Variants in PCGF6 observed in about 807,000 individuals in gnomAD.
PCGF6 encodes polycomb group ring finger 6.
In PCGF6, 24 loss-of-function variants were observed where a neutral mutation model predicts 45.5. That is an observed-to-expected ratio of 0.53 (90% CI 0.38 to 0.74). PCGF6 has a LOEUF of 0.74. Among genes scored for constraint, PCGF6 ranks in the 30% least tolerant of loss-of-function variants. The probability of loss-of-function intolerance (pLI) is 0.00; values close to 1 mark genes in which losing one functional copy is unlikely to be tolerated. For missense variants in PCGF6, 356 were observed against 443.2 expected, an observed-to-expected ratio of 0.80 and a Z score of 1.77; for synonymous variants, 152 against 162.1, an observed-to-expected ratio of 0.94 and a Z score of 0.47.
chr10:103,305,610 T>TA (rs146458474), intron 9 of PCGF6, among the ~76,000 whole-genome samples: 2 of 152,102 alleles, frequency 1.3e-5, no homozygotes, highest in East Asian at 3.8e-4. Context: ...TAGATTCTCC[T>TA]AAAAAAGACT....
At chr10:103,350,681 C>G (rs761541083) in intron 1 of PCGF6, 26 bp downstream of exon 1, 4 of 1,450,918 alleles carry the variant, frequency 2.8e-6, no homozygotes, top group Non-Finnish European at 3.7e-6. Context: ...TTGGGCCCAG[C>G]GGGGTCGCGC....
At chr10:103,349,901 T>C (rs901416335) in intron 1 of PCGF6, among the ~76,000 whole-genome samples, 1 of 150,876 alleles carries the variant, frequency 6.6e-6, no homozygotes, top group Admixed American at 6.6e-5. Context: ...GCTAACACGG[T>C]GAAACCCCGT....
At chr10:103,314,676 G>T (rs1184780405) in intron 8 of PCGF6, among the ~76,000 whole-genome samples, 2 of 152,122 alleles carry the variant, frequency 1.3e-5, no homozygotes, top group African/African-American at 2.4e-5. Context: ...AAGGCCGGGA[G>T]CAGTGGCTCA....
chr10:103,329,539 G>A (rs1159047540), intron 7 of PCGF6, among the ~76,000 whole-genome samples: 5 of 151,648 alleles, frequency 3.3e-5, no homozygotes, highest in South Asian at 4.2e-4. Context: ...GTGGAATGGC[G>A]CGGTCTTGGC....
intron 8 of PCGF6, among the ~76,000 whole-genome samples, chr10:103,315,968 ATGTG>A (rs755606997): frequency 0.023 from 2,729 of 118,704 alleles, 99 homozygotes; most frequent in African/African-American, 0.076. Flanking sequence ...AACAGCTTAT[ATGTG>A]TGTGTGTGTG....
chr10:103,324,668 G>A (rs576007240), intron 8 of PCGF6, among the ~76,000 whole-genome samples: 2 of 149,900 alleles, frequency 1.3e-5, no homozygotes, highest in South Asian at 4.2e-4. Context: ...CCTGAGGCAG[G>A]AGAATCACTT....
At chr10:103,338,474 G>A (rs1261874345) in intron 6 of PCGF6, among the ~76,000 whole-genome samples, 21 of 151,480 alleles carry the variant, frequency 1.4e-4, no homozygotes, top group Admixed American at 1.3e-4. Flanking sequence ...GAACCCGGGA[G>A]GCGGAGCTTG....
intron 6 of PCGF6, among the ~76,000 whole-genome samples, chr10:103,340,222 T>C (rs2093276036): frequency 7.0e-6 from 1 of 143,048 alleles, no homozygotes; most frequent in Non-Finnish European, 1.5e-5. Flanking sequence ...TATATATATA[T>C]TTTATATACA....
At chr10:103,330,606 T>C (rs758112383) in intron 7 of PCGF6, among the ~76,000 whole-genome samples, 33 of 152,190 alleles carry the variant, frequency 2.2e-4, no homozygotes, top group Non-Finnish European at 1.2e-4. Flanking sequence ...ATCACTGCTA[T>C]GTAATTTCAG....
At chr10:103,305,076 C>A (rs943580565) in intron 9 of PCGF6, among the ~76,000 whole-genome samples, 9 of 152,084 alleles carry the variant, frequency 5.9e-5, no homozygotes, top group African/African-American at 9.7e-5. Context: ...GATCCTCCAA[C>A]CTCAGCTTCG....
intron 1 of PCGF6, 48 bp from the exon 2 acceptor site, chr10:103,349,047 C>G (rs1351050322): frequency 7.1e-7 from 1 of 1,414,016 alleles, no homozygotes; most frequent in South Asian, 1.2e-5. Context: ...TTGCCTTTTA[C>G]AAATTCTTTT....
intron 8 of PCGF6, among the ~76,000 whole-genome samples, chr10:103,319,938 TGG>T (rs1485991221): frequency 6.6e-6 from 1 of 152,124 alleles, no homozygotes; most frequent in Non-Finnish European, 1.5e-5. Context: ...CCCGAGTAGC[TGG>T]GACTATACAG....
intron 8 of PCGF6, among the ~76,000 whole-genome samples, chr10:103,322,903 C>CA (rs921634174): frequency 1.2e-3 from 165 of 137,672 alleles, no homozygotes; most frequent in East Asian, 3.8e-3. Context: ...AAACAAAAAA[C>CA]AAAAAAAAAA....
intron 6 of PCGF6, among the ~76,000 whole-genome samples, chr10:103,341,073 T>C (rs943366835): frequency 6.6e-6 from 1 of 151,520 alleles, no homozygotes; most frequent in Non-Finnish European, 1.5e-5. Flanking sequence ...CTACTAAAAA[T>C]AGAAAATTAG....
At chr10:103,349,927 A>T (rs928670902) in intron 1 of PCGF6, among the ~76,000 whole-genome samples, 2 of 151,776 alleles carry the variant, frequency 1.3e-5, no homozygotes, top group Non-Finnish European at 2.9e-5. Context: ...CTAAAAATAC[A>T]AAAAATAAGC....
chr10:103,315,992 GTGTA>G (rs1351604135), intron 8 of PCGF6, among the ~76,000 whole-genome samples: 148 of 112,372 alleles, frequency 1.3e-3, no homozygotes, highest in Middle Eastern at 4.6e-3. Context: ...GTGTGTGTGT[GTGTA>G]TATATATATA....
chr10:103,307,213 T>C (rs1036071034), intron 9 of PCGF6, among the ~76,000 whole-genome samples: 2 of 151,972 alleles, frequency 1.3e-5, no homozygotes, highest in Non-Finnish European at 2.9e-5. Context: ...AAGGCTGAGG[T>C]TGGAGTATCA....
chr10:103,331,446 T>G (rs547655954), intron 7 of PCGF6, among the ~76,000 whole-genome samples: 6 of 152,034 alleles, frequency 3.9e-5, no homozygotes, highest in South Asian at 4.1e-4. Flanking sequence ...TTAATAGAGA[T>G]AGAGTTTTGG....
chr10:103,350,558 G>A, intron 1 of PCGF6, 149 bp downstream of exon 1: 1 of 725,558 alleles, frequency 1.4e-6, no homozygotes, highest in Non-Finnish European at 2.0e-6. Flanking sequence ...CACACGCCTA[G>A]GCAGCCGGGG....
Sources: allele counts gnomAD v4.1 joint callset (sites outside exome capture counted in the v4.1 genomes callset), GRCh38; gene constraint gnomAD v4.1.1; transcripts MANE v1.5; gene names NCBI Gene and HGNC (gene_info 2026-07-23, HGNC 2026-07-21).